TBC1D21: variants seen among roughly 807,000 people sequenced by gnomAD.
The protein encoded by TBC1D21 is TBC1 domain family member 21.
In TBC1D21, 38 loss-of-function variants were observed where a neutral mutation model predicts 46.0. The ratio of observed to expected loss-of-function variants is 0.83; its 90% confidence interval spans 0.64 to 1.08. The LOEUF (loss-of-function observed/expected upper bound fraction) is 1.08, where lower values mean the gene tolerates loss of function less well. Among genes scored for constraint, TBC1D21 ranks in the 50% least tolerant of loss-of-function variants. The pLI, the probability that TBC1D21 is intolerant of heterozygous loss-of-function variation, is 0.00. For missense variants in TBC1D21, 415 were observed against 417.9 expected, an observed-to-expected ratio of 0.99 and a Z score of 0.06; for synonymous variants, 151 against 157.2, an observed-to-expected ratio of 0.96 and a Z score of 0.29.
At chr15:73,900,567 G>C in the TBC1D21 span, among the ~76,000 whole-genome samples, 28 of 152,320 alleles carry the variant, frequency 1.8e-4, no homozygotes, top group East Asian at 5.4e-3. Flanking sequence ...TACAGCAAGA[G>C]CAAACTCGCT....
the TBC1D21 span, chr15:73,908,421 CCTT>C: frequency 6.6e-6 from 1 of 152,346 alleles, no homozygotes; most frequent in African/African-American, 2.4e-5. Context: ...TCAGCGCTCT[CCTT>C]CTGGGCCAGG....
chr15:73,895,155 T>C, the TBC1D21 span, among the ~76,000 whole-genome samples: 2 of 152,186 alleles, frequency 1.3e-5, no homozygotes, highest in African/African-American at 4.8e-5. Context: ...TCCCAGGTGG[T>C]TCTAAAGTAC....
downstream of TBC1D21, among the ~76,000 whole-genome samples, chr15:73,893,885 G>A (rs1363872354): frequency 6.6e-6 from 1 of 152,202 alleles, no homozygotes; most frequent in Non-Finnish European, 1.5e-5. Context: ...AGGAGGTCAC[G>A]AACAAGGGCA....
At chr15:73,882,743 G>A (rs1309823151) in intron 3 of TBC1D21, among the ~76,000 whole-genome samples, 1 of 152,226 alleles carries the variant, frequency 6.6e-6, no homozygotes, top group Non-Finnish European at 1.5e-5. Context: ...TCACAGAGTG[G>A]TTGTGGGGGC....
At chr15:73,882,675 G>T (rs1397444454) in intron 3 of TBC1D21, among the ~76,000 whole-genome samples, 1 of 152,218 alleles carries the variant, frequency 6.6e-6, no homozygotes, top group Non-Finnish European at 1.5e-5. Flanking sequence ...ACTTGCCCAT[G>T]AACTTCAGTG....
rs539009853 is a variant in TBC1D21 at position 73,889,115 on chromosome 15, C to T, written c.*14C>T. ...TTCTTCCTCTGAGGACACCAAAGCCCGCAGTGGACTGATGCCTTCGATGGG... is the reference window on the plus strand; with the variant it reads ...TTCTTCCTCTGAGGACACCAAAGCCTGCAGTGGACTGATGCCTTCGATGGG... On this transcript the variant is annotated 3_prime_UTR_variant, in exon 11 of 11. Transcript: ENST00000300504. 38 of 1,611,980 alleles carry T rather than the reference C, an allele frequency of 2.4e-5. No homozygotes were observed. The highest frequency in any genetic ancestry group is 3.3e-4 in the Middle Eastern group (2 of 6,060).
chr15:73,884,635 C>A (rs1043473162), intron 4 of TBC1D21, 146 bp from the exon 5 acceptor site: 15 of 636,408 alleles, frequency 2.4e-5, no homozygotes, highest in Admixed American at 5.5e-5. Flanking sequence ...AGGAACTGAG[C>A]CTGGCAGGGG....
At chr15:73,900,482 C>T in the TBC1D21 span, among the ~76,000 whole-genome samples, 2 of 152,076 alleles carry the variant, frequency 1.3e-5, no homozygotes, top group African/African-American at 2.4e-5. Context: ...CATATGAGAC[C>T]CCCTACCTGT....
At chr15:73,894,451 C>T in the TBC1D21 span, among the ~76,000 whole-genome samples, 2 of 152,258 alleles carry the variant, frequency 1.3e-5, no homozygotes, top group Admixed American at 6.5e-5. Context: ...TGTGGGAGGG[C>T]CCAGATGCAG....
intron 1 of TBC1D21, among the ~76,000 whole-genome samples, chr15:73,874,464 T>C (rs1272950363): frequency 6.6e-6 from 1 of 152,270 alleles, no homozygotes; most frequent in Non-Finnish European, 1.5e-5. Context: ...CTAAATGCTT[T>C]ATTTATAGTC....
chr15:73,889,586 A>C (rs1453262198), downstream of TBC1D21, among the ~76,000 whole-genome samples: 1 of 152,232 alleles, frequency 6.6e-6, no homozygotes, highest in Admixed American at 6.5e-5. Flanking sequence ...TGTCACATCA[A>C]TCACACAATT....
At chr15:73,889,943 G>A (rs2068322820), downstream of TBC1D21, among the ~76,000 whole-genome samples, 1 of 152,154 alleles carries the variant, frequency 6.6e-6, no homozygotes, top group Admixed American at 6.5e-5. Flanking sequence ...GGCCAGAAAG[G>A]CTGAAACTGC....
intron 9 of TBC1D21, among the ~76,000 whole-genome samples, 186 bp from the exon 10 acceptor site, chr15:73,888,244 A>G (rs1199395452): frequency 1.3e-5 from 2 of 152,206 alleles, no homozygotes; most frequent in East Asian, 1.9e-4. Flanking sequence ...AACATTTACC[A>G]TTGCCCCAAA....
chr15:73,897,301 T>C, the TBC1D21 span, among the ~76,000 whole-genome samples: 4 of 152,180 alleles, frequency 2.6e-5, no homozygotes, highest in South Asian at 8.3e-4. Context: ...ACCTAGAAAT[T>C]AGAAATAACA....
intron 10 of TBC1D21, 21 bp downstream of exon 10, chr15:73,888,534 GTCCTCCTCCTCCTCT>G (rs140293674): frequency 0.031 from 49,037 of 1,570,992 alleles, 3,164 homozygotes; most frequent in African/African-American, 0.19. Flanking sequence ...CCAATGATGT[GTCCTCCTCCTCCTCT>G]TCCTCCTCCT....
Position 73,886,539 on chromosome 15 carries a change from C to A in TBC1D21, c.704C>A (p.Ser235Tyr), listed in dbSNP as rs145669593. Reference sequence around the variant, plus strand: ...GGGAAGGGTGCAGGGGCTGTGCAGTCCCTCTTCCCCTGGTTCTGCTTCTGC... The same window carrying A: ...GGGAAGGGTGCAGGGGCTGTGCAGTACCTCTTCCCCTGGTTCTGCTTCTGC... Reference protein sequence around the residue: ...LKGKGAGAVQSLFPWFCFCFQ... With the variant: ...LKGKGAGAVQYLFPWFCFCFQ... Residue 235 changes from serine to tyrosine, a missense_variant, in exon 8 of 11, where the codon TCC becomes TAC. Transcript: ENST00000300504. 127 of 1,613,704 alleles carry A rather than the reference C, an allele frequency of 7.9e-5. 1 individual carries two copies. The African/African-American group carries it at 1.5e-3, about 19-fold the overall frequency.
At chr15:73,894,148 C>A (rs2069987827), downstream of TBC1D21, among the ~76,000 whole-genome samples, 1 of 152,204 alleles carries the variant, frequency 6.6e-6, no homozygotes, top group Admixed American at 6.5e-5. Context: ...GATGGGCGAA[C>A]CCCAGGGCCC....
chr15:73,902,832 G>A, the TBC1D21 span, among the ~76,000 whole-genome samples: 1 of 152,214 alleles, frequency 6.6e-6, no homozygotes. Context: ...GGTGTCAGCT[G>A]AGTGCCCTGG....
downstream of TBC1D21, among the ~76,000 whole-genome samples, chr15:73,893,950 T>C (rs920253359): frequency 6.6e-6 from 1 of 152,322 alleles, no homozygotes; most frequent in Middle Eastern, 3.4e-3. Context: ...GTAATTAATA[T>C]GTTCCACGCC....
Sources: gnomAD v4.1 joint callset for allele counts (sites outside exome capture counted in the v4.1 genomes callset) on GRCh38, gnomAD v4.1.1 for gene constraint, MANE v1.5 for transcripts, NCBI Gene and HGNC (gene_info 2026-07-23, HGNC 2026-07-21) for gene names.